Variants in ERC2 observed in about 807,000 individuals in gnomAD.
The protein encoded by ERC2 is ELKS/RAB6-interacting/CAST family member 2.
In ERC2, 42 loss-of-function variants were observed where a neutral mutation model predicts 114.8. The ratio of observed to expected loss-of-function variants is 0.37; its 90% CI spans 0.29 to 0.47. ERC2 has a LOEUF of 0.47. Ranked by LOEUF, ERC2 falls within the 20% of genes least tolerant of loss-of-function variation. The pLI is 0.99. For missense variants in ERC2, 939 were observed against 1,150.7 expected (o/e 0.82, Z 2.66); for synonymous variants, 454 against 425.5 (o/e 1.07, Z -0.82).
At chr3:56,040,167 T>C (rs2075045036) in intron 7 of ERC2, among the ~76,000 whole-genome samples, 1 of 152,102 alleles carries the variant, frequency 6.6e-6, no homozygotes, top group African/African-American at 2.4e-5. Flanking sequence ...TAAAAAGCTT[T>C]TGCACAGCAA....
intron 12 of ERC2, among the ~76,000 whole-genome samples, chr3:55,969,159 C>G (rs1313248251): frequency 6.6e-6 from 1 of 152,116 alleles, no homozygotes; most frequent in Non-Finnish European, 1.5e-5. Flanking sequence ...TAACAGCCTG[C>G]AGCAATCACT....
intron 17 of ERC2, among the ~76,000 whole-genome samples, chr3:55,594,491 T>G (rs1199583869): frequency 2.0e-5 from 3 of 151,914 alleles, no homozygotes; most frequent in Non-Finnish European, 4.4e-5. Context: ...ATTATTATTA[T>G]TATTATTTGA....
At chr3:56,109,112 C>T (rs2078822776) in intron 6 of ERC2, among the ~76,000 whole-genome samples, 2 of 151,962 alleles carry the variant, frequency 1.3e-5, no homozygotes, top group Admixed American at 6.6e-5. Context: ...ATTATTTCAT[C>T]GCCCAGGTAC....
At chr3:55,586,988 C>T (rs1044812108) in intron 17 of ERC2, among the ~76,000 whole-genome samples, 3 of 152,186 alleles carry the variant, frequency 2.0e-5, no homozygotes, top group Non-Finnish European at 4.4e-5. Flanking sequence ...GAAGTAAACA[C>T]TAAACTGAAG....
intron 17 of ERC2, among the ~76,000 whole-genome samples, chr3:55,543,781 T>G (rs1365825395): frequency 6.6e-6 from 1 of 152,064 alleles, no homozygotes; most frequent in Non-Finnish European, 1.5e-5. Flanking sequence ...CATTTGCTTC[T>G]CTCTACGTCC....
chr3:56,018,959 A>C lies in ERC2; in HGVS notation c.1714T>G (p.Leu572Val). 6.2e-7 allele frequency: 1 copy of C among 1,613,346 alleles called. No individual in the cohort carries two copies. Among genetic ancestry groups the C allele is most frequent in the Non-Finnish European group, 8.5e-7 (1 of 1,179,548 alleles). The change falls in exon 8 of 18, where the codon TTG (leucine) becomes GTG (valine). Residue 572 changes from leucine to valine, a missense_variant. Physicochemically the swap from Leu to Val is conservative, Grantham distance 32 (BLOSUM62 1). Transcript: ENST00000288221. ...LTNLKDRVKS[L>V]QTDSSNTDTA... The stretch of plus-strand genomic sequence containing the variant: ...TCTGTATTACTGGAATCCGTCTGCA[A>C]GGACTTCACTCTGTCTTTCAGGTTG...
chr3:55,701,026 C>A (rs9827031), intron 15 of ERC2, among the ~76,000 whole-genome samples: 1,987 of 152,254 alleles, frequency 0.013, 51 homozygotes, highest in African/African-American at 0.045. Context: ...AACAATCCCA[C>A]TGGTGGCTCA....
chr3:56,320,515 C>G (rs936482825), intron 2 of ERC2, among the ~76,000 whole-genome samples: 14 of 152,278 alleles, frequency 9.2e-5, no homozygotes, highest in Non-Finnish European at 1.6e-4. Context: ...AGAAAACATG[C>G]TGATAAATTG....
In ERC2 at chr3:56,163,740, C is replaced by G. The variant is rs370671580; in HGVS notation, c.1149+9706G>C. Among the ~76,000 whole-genome samples the G allele has an allele frequency of 2.5e-4, 38 of 152,150 alleles. No individual in the cohort carries two copies. In the East Asian group the frequency reaches 5.0e-3, roughly 20 times the overall value. ...CACAGTGGATCTTTCTCCAACTCTA[C>G]TTGGAGCCTATGTGTGTTGTTACAT... is the stretch of plus-strand genomic sequence containing the variant. On this transcript the variant is annotated intron_variant, in intron 4 of 17. Transcript: ENST00000288221.
Position 56,153,845 on chromosome 3 carries a change from T to C in ERC2, c.1150-4713A>G, listed in dbSNP as rs149691968. The stretch of plus-strand genomic sequence containing the variant: ...GTGAGAATTACTGGTTTCATTTTAA[T>C]ATCAGGCCAAGAAAGAAGACATAAG... On this transcript the variant is annotated intron_variant, in intron 4 of 17. Coordinates refer to ENST00000288221, the MANE Select transcript of ERC2 (RefSeq NM_015576.3). Among the ~76,000 whole-genome samples the C allele has an allele frequency of 7.2e-4, 109 of 152,288 alleles. 1 individual carries two copies. The highest frequency in any genetic ancestry group is 1.2e-3 in the Non-Finnish European group (79 of 68,026).
At chr3:55,901,513 C>T (rs973855532) in intron 13 of ERC2, among the ~76,000 whole-genome samples, 2 of 152,146 alleles carry the variant, frequency 1.3e-5, no homozygotes, top group African/African-American at 2.4e-5. Flanking sequence ...TATTCTTTGC[C>T]GCACAGTCCC....
chr3:55,699,275 G>A (rs535948645), intron 16 of ERC2, 103 bp downstream of exon 16: 7 of 1,418,074 alleles, frequency 4.9e-6, no homozygotes, highest in East Asian at 2.4e-5. Context: ...TTCAAAGAAC[G>A]TATCACTTTA....
intron 17 of ERC2, among the ~76,000 whole-genome samples, chr3:55,561,625 T>C (rs902601339): frequency 6.6e-6 from 1 of 152,184 alleles, no homozygotes; most frequent in Non-Finnish European, 1.5e-5. Context: ...TTTGTGTATC[T>C]ATTTTCCCCA....
At chr3:56,370,990 C>T (rs1184935673) in intron 2 of ERC2, among the ~76,000 whole-genome samples, 1 of 152,116 alleles carries the variant, frequency 6.6e-6, no homozygotes, top group Non-Finnish European at 1.5e-5. Context: ...CTATATGGAG[C>T]CTTAAATGCT....
intron 2 of ERC2, among the ~76,000 whole-genome samples, chr3:56,325,066 A>C (rs2057295952): frequency 6.6e-6 from 1 of 151,682 alleles, no homozygotes; most frequent in Non-Finnish European, 1.5e-5. Context: ...TTTTTTCCTC[A>C]TGATCTATCT....
At chr3:56,177,463 G>C (rs149062062) in intron 3 of ERC2, among the ~76,000 whole-genome samples, 2 of 152,300 alleles carry the variant, frequency 1.3e-5, no homozygotes, top group African/African-American at 4.8e-5. Context: ...TCACATGACA[G>C]TGTTATTAAA....
At chr3:56,026,899 G>C (rs1175670870) in intron 7 of ERC2, among the ~76,000 whole-genome samples, 1 of 150,974 alleles carries the variant, frequency 6.6e-6, no homozygotes, top group Non-Finnish European at 1.5e-5. Context: ...CCAAAGTCAA[G>C]ATACAGAACA....
At chr3:55,787,750 T>TAA (rs1263176942) in intron 14 of ERC2, among the ~76,000 whole-genome samples, 13 of 152,186 alleles carry the variant, frequency 8.5e-5, no homozygotes, top group Non-Finnish European at 1.6e-4. Context: ...TACCACTCCA[T>TAA]ATCTGATAAT....
chr3:56,432,610 T>C (rs2061841605), intron 2 of ERC2, among the ~76,000 whole-genome samples: 1 of 152,202 alleles, frequency 6.6e-6, no homozygotes. Flanking sequence ...TTTCTACACA[T>C]AGAATGAAAA....
Sources: allele counts gnomAD v4.1 joint callset (sites outside exome capture counted in the v4.1 genomes callset), GRCh38; gene constraint gnomAD v4.1.1; transcripts MANE v1.5; gene names NCBI Gene and HGNC (gene_info 2026-07-23, HGNC 2026-07-21).